Variants in FBLN2 observed in about 807,000 individuals in gnomAD.
FBLN2 encodes fibulin-2.
Under a neutral mutation model 123.7 loss-of-function variants are expected in FBLN2, and 81 were observed. The ratio of observed to expected loss-of-function variants is 0.65; its 90% CI spans 0.55 to 0.79. The LOEUF is 0.79. Among genes scored for constraint, FBLN2 ranks in the 30% least tolerant of loss-of-function variants. The pLI is 0.00. For missense variants in FBLN2, 1,603 were observed against 1,681.3 expected, an observed-to-expected ratio of 0.95 and a Z score of 0.81; for synonymous variants, 699 against 701.4, an observed-to-expected ratio of 1.00 and a Z score of 0.05.
intron 7 of FBLN2, 125 bp from the exon 8 acceptor site, chr3:13,619,605 T>C: frequency 1.4e-6 from 1 of 731,044 alleles, no homozygotes; most frequent in Non-Finnish European, 2.3e-6. Flanking sequence ...TCTCCCAGCA[T>C]CCCTGCCTTC....
chr3:13,571,653 G>T lies in FBLN2; in HGVS notation c.1298G>T (p.Ser433Ile). ...TCTGTCCATTCTATCCCCAGAAGTA[G>T]CCCTGAAGGTAAGACCCTGTCCTGG... The part of the protein sequence containing the change: ...PNSVHSIPRS[S>I]PEGSTKDLIE... Residue 433 changes from serine (S) to isoleucine (I), a missense_variant, in exon 2 of 18, where the codon AGC becomes ATC. Transcript: ENST00000404922. 3.8e-6 allele frequency: 6 copies of T among 1,593,772 alleles called. No homozygotes were observed. In the East Asian group the frequency reaches 1.3e-4, roughly 36 times the overall value.
intron 2 of FBLN2, among the ~76,000 whole-genome samples, chr3:13,580,392 A>T (rs1391633656): frequency 6.6e-6 from 1 of 152,124 alleles, no homozygotes; most frequent in Non-Finnish European, 1.5e-5. Context: ...ACAAATATTT[A>T]TTGAGTGCCT....
At chr3:13,631,508 C>CT (rs1706257949) in intron 16 of FBLN2, 51 bp downstream of exon 16, 2 of 1,531,982 alleles carry the variant, frequency 1.3e-6, no homozygotes, top group African/African-American at 2.7e-5. Context: ...CTTGGGCAGG[C>CT]TCCAAGCAGG....
chr3:13,609,692 G>GGGGGGGGGGA, intron 4 of FBLN2, 50 bp downstream of exon 4: 1 of 508,394 alleles, frequency 2.0e-6, no homozygotes, highest in Non-Finnish European at 3.8e-6. Context: ...GGCGGGGCGG[G>GGGGGGGGGGA]AGGCTGGCCT....
At chr3:13,582,329 G>A (rs1704358711) in intron 2 of FBLN2, among the ~76,000 whole-genome samples, 3 of 152,196 alleles carry the variant, frequency 2.0e-5, no homozygotes, top group Admixed American at 2.0e-4. Context: ...GGGGGCCTCA[G>A]TGAGCTGGAG....
intron 1 of FBLN2, among the ~76,000 whole-genome samples, chr3:13,565,230 C>T (rs1703710466): frequency 6.6e-6 from 1 of 152,216 alleles, no homozygotes; most frequent in African/African-American, 2.4e-5. Context: ...CCTGGTCCCC[C>T]CACCCACAGC....
intron 2 of FBLN2, among the ~76,000 whole-genome samples, chr3:13,587,338 T>C (rs1038815709): frequency 6.6e-6 from 1 of 152,128 alleles, no homozygotes; most frequent in East Asian, 1.9e-4. Flanking sequence ...GAATTTATTA[T>C]TGAAGAAAGA....
At chr3:13,634,969 G>A (rs1040196170) in intron 16 of FBLN2, among the ~76,000 whole-genome samples, 7 of 152,200 alleles carry the variant, frequency 4.6e-5, no homozygotes, top group African/African-American at 7.2e-5. Context: ...TTACTATTAT[G>A]TTGTTGTTAT....
At chr3:13,602,855 A>G (rs868069351) in intron 2 of FBLN2, among the ~76,000 whole-genome samples, 3 of 151,880 alleles carry the variant, frequency 2.0e-5, no homozygotes, top group Middle Eastern at 6.9e-3. Context: ...ACATCTGCCA[A>G]TAACGACTGT....
intron 2 of FBLN2, among the ~76,000 whole-genome samples, chr3:13,607,381 A>C (rs1275017207): frequency 1.3e-5 from 2 of 152,192 alleles, no homozygotes; most frequent in South Asian, 4.1e-4. Flanking sequence ...GTGGAAGTGG[A>C]CCATCATAAA....
chr3:13,607,773 G>T (rs549072747), intron 2 of FBLN2, among the ~76,000 whole-genome samples: 1 of 152,180 alleles, frequency 6.6e-6, no homozygotes, highest in African/African-American at 2.4e-5. Context: ...GGGAGCTCTA[G>T]AGTGTGAGTG....
chr3:13,557,241 C>T (rs573533690), intron 1 of FBLN2, among the ~76,000 whole-genome samples: 19 of 152,290 alleles, frequency 1.2e-4, no homozygotes, highest in Non-Finnish European at 2.5e-4. Flanking sequence ...GGGGACTGAG[C>T]GAGGCAGCCT....
Position 13,555,298 on chromosome 3 carries a change from G to T in FBLN2, c.-42+6090G>T, listed in dbSNP as rs1703433310. On this transcript the variant is annotated intron_variant, in intron 1 of 17. Coordinates refer to ENST00000404922, the MANE Select transcript of FBLN2 (RefSeq NM_001004019.2). ...AAACCTTTGATCACAACTGTAGACA[G>T]AAATCAGGATCACTTGTCCTAAACC... 2.0e-5 allele frequency among the ~76,000 whole-genome samples: 3 copies of T among 152,016 alleles called. No individual in the cohort carries two copies. In the South Asian group the frequency reaches 6.2e-4, roughly 32 times the overall value.
intron 5 of FBLN2, among the ~76,000 whole-genome samples, chr3:13,615,153 C>A (rs1386360727): frequency 6.6e-6 from 1 of 152,242 alleles, no homozygotes; most frequent in African/African-American, 2.4e-5. Context: ...TGACCATTAG[C>A]CTCCTCTGTG....
chr3:13,631,368 C>T lies in FBLN2; in HGVS notation c.3125C>T (p.Thr1042Ile). The change falls in exon 16 of 18, where the codon ACC becomes ATC. Residue 1042 changes from threonine to isoleucine, a missense_variant. Physicochemically the swap from Thr to Ile is moderately conservative, Grantham distance 89. Coordinates refer to ENST00000404922, the MANE Select transcript of FBLN2 (RefSeq NM_001004019.2). ...GCTCAAGGCGCCGGCATCCTCTGCA[C>T]CTTCCGCTGTCTCAACGTGCCAGGG... ...ECAQGAGILCTFRCLNVPGSY... is the reference protein window; with the variant it reads ...ECAQGAGILCIFRCLNVPGSY... 3 of 1,603,386 alleles carry T rather than the reference C, an allele frequency of 1.9e-6. No individual in the cohort carries two copies. The highest frequency in any genetic ancestry group is 2.6e-6 in the Non-Finnish European group (3 of 1,175,404).
intron 16 of FBLN2, among the ~76,000 whole-genome samples, chr3:13,635,894 TAGG>T (rs1443458150): frequency 6.6e-6 from 1 of 151,748 alleles, no homozygotes; most frequent in Non-Finnish European, 1.5e-5. Flanking sequence ...CATGGAGCCA[TAGG>T]AGGATGATAA....
intron 4 of FBLN2, among the ~76,000 whole-genome samples, chr3:13,612,299 C>CTTTCTTTCTTTCT (rs1316951404): frequency 2.2e-4 from 11 of 49,596 alleles, no homozygotes; most frequent in African/African-American, 5.4e-4. Context: ...ATTTTCCTTT[C>CTTTCTTTCTTTCT]TTTCTTTCTT....
At chr3:13,624,757 C>T (rs933864542) in intron 9 of FBLN2, among the ~76,000 whole-genome samples, 4 of 152,240 alleles carry the variant, frequency 2.6e-5, no homozygotes, top group Non-Finnish European at 4.4e-5. Context: ...GGGCTGGGGC[C>T]GACACACCCA....
At chr3:13,563,110 A>T (rs947437725) in intron 1 of FBLN2, among the ~76,000 whole-genome samples, 29 of 152,358 alleles carry the variant, frequency 1.9e-4, no homozygotes, top group African/African-American at 6.5e-4. Context: ...TATTATTTTT[A>T]AAAAATTACT....
Sources: gnomAD v4.1 joint callset for allele counts (sites outside exome capture counted in the v4.1 genomes callset) on GRCh38, gnomAD v4.1.1 for gene constraint, MANE v1.5 for transcripts, NCBI Gene and HGNC (gene_info 2026-07-23, HGNC 2026-07-21) for gene names.